Variants in FBRS observed in about 807,000 individuals in gnomAD.
FBRS encodes the protein probable fibrosin-1.
In FBRS, 15 loss-of-function variants were observed where a neutral mutation model predicts 86.1. The observed-to-expected ratio is 0.17, with a 90% CI of 0.12 to 0.27. The LOEUF is 0.27. Among genes scored for constraint, FBRS ranks in the 10% least tolerant of loss-of-function variants. FBRS has a pLI of 1.00. For synonymous variants in FBRS, 666 were observed against 575.8 expected (o/e 1.16, Z -2.24); for missense variants, 1,367 against 1,301.6 (o/e 1.05, Z -0.77).
Position 30,662,771 on chromosome 16 carries a change from C to G in FBRS, c.967C>G (p.Pro323Ala). The G allele has an allele frequency of 6.6e-7, 1 of 1,509,622 alleles. No individual in the cohort carries two copies. The allele number at this position is 1,509,622 out of a possible 1,614,324, so 93.5% of individuals were successfully genotyped here. A position where few individuals can be genotyped will look rare whatever the true frequency, so the allele number is the denominator to read the frequency against. The change falls in exon 6 of 18, where the codon CCA (proline) becomes GCA (alanine). Residue 323 changes from proline to alanine, a missense_variant. By Grantham distance (27) the Pro-to-Ala change is conservative. This residue lies in a region of FBRS where 702 missense variants were observed against 598.7 expected (regional missense o/e 1.17). Transcript: ENST00000356166. ...GCCGGCCACTCCCAGTCTGCCACCCCCACCCCAGCCCCAGCTGCAGCTTCG... is the reference window on the plus strand; with the variant it reads ...GCCGGCCACTCCCAGTCTGCCACCCGCACCCCAGCCCCAGCTGCAGCTTCG... ...PLPATPSLPP[P>A]PQPQLQLRVS...
In FBRS at chr16:30,669,201, CGCCGCTGCCGCTGCTGCT is replaced by C. The variant is rs750860951; in HGVS notation, c.2505_2522del (p.Ala844_Ala849del). On this transcript the variant is annotated inframe_deletion, in exon 18 of 18. Coordinates refer to ENST00000356166, the MANE Select transcript of FBRS (RefSeq NM_001105079.3). This position sits in a 1 kb window ranked among gnomAD's most constrained non-coding sequence, Gnocchi z 5.9. Reference sequence around the variant, plus strand: ...AAGAGCGGAAGGAGGAGGCTGCCGCCGCCGCTGCCGCTGCTGCTGCCGCCGCCGCTGCCGCCGCCGCAG... The same window carrying C: ...AAGAGCGGAAGGAGGAGGCTGCCGCCGCCGCCGCCGCTGCCGCCGCCGCAG... 6.5e-7 allele frequency: 1 copy of C among 1,544,470 alleles called. No individual in the cohort carries two copies. The highest frequency in any genetic ancestry group is 8.7e-7 in the Non-Finnish European group (1 of 1,143,558).
At chr16:30,666,370 A>T (rs751663439) in intron 11 of FBRS, 142 bp from the exon 12 acceptor site, 5 of 954,656 alleles carry the variant, frequency 5.2e-6, no homozygotes, top group Non-Finnish European at 8.1e-6. Context: ...TGGGGAAAGG[A>T]GTTTGGGCCT....
chr16:30,666,131 GT>G (rs2052519742), intron 11 of FBRS: 1 of 422,598 alleles, frequency 2.4e-6, no homozygotes, highest in Non-Finnish European at 4.3e-6. Flanking sequence ...CACAGGACCA[GT>G]TTCCTACAGG....
chr16:30,660,519 C>A (rs2052446489), intron 2 of FBRS, 77 bp downstream of exon 2: 3 of 1,256,220 alleles, frequency 2.4e-6, no homozygotes, highest in Non-Finnish European at 3.0e-6. Flanking sequence ...CGCCACTGCC[C>A]CTTGTAAACA....
rs753075732 is a variant in FBRS at position 30,668,601 on chromosome 16, C to G, written c.2116C>G (p.Leu706Val). Residue 706 changes from leucine (L) to valine (V), a missense_variant, in exon 16 of 18, where the codon CTC (leucine) becomes GTC (valine). Physicochemically the swap from Leu to Val is conservative, Grantham distance 32. Coordinates refer to ENST00000356166, the MANE Select transcript of FBRS (RefSeq NM_001105079.3). ...RPTSFASLAA[L>V]SNGAFGGLGS... ...CACAAGCTTCGCCTCTTTGGCTGCC[C>G]TCTCCAACGGGGCCTTTGGAGGCCT... 6.2e-7 allele frequency: 1 copy of G among 1,612,472 alleles called. No individual in the cohort carries two copies. The highest frequency in any genetic ancestry group is 8.5e-7 in the Non-Finnish European group (1 of 1,178,852).
At chr16:30,666,873 C>T (rs373927174) in intron 12 of FBRS, 46 bp from the exon 13 acceptor site, 108 of 1,583,476 alleles carry the variant, frequency 6.8e-5, no homozygotes, top group Non-Finnish European at 8.4e-5. Context: ...GATGAGTGAA[C>T]GTTCTTTCCT....
At chr16:30,668,665 TG>T (rs768353447) in intron 16 of FBRS, 22 bp downstream of exon 16, 15 of 1,457,344 alleles carry the variant, frequency 1.0e-5, no homozygotes, top group Middle Eastern at 1.8e-4. Flanking sequence ...TGCGGTGGGG[TG>T]GGGGGGCTGC....
rs748967727 is a variant in FBRS, at chr16:30,664,845, G to A, written c.1488G>A (p.Gln496=). The part of the protein sequence containing the change: ...FQFHQHNHQH[Q]HTHQHTHQHF... ...TCCACCAGCACAACCACCAGCACCA[G>A]CACACCCACCAGCACACCCACCAGC... is the stretch of plus-strand genomic sequence containing the variant. Residue 496 remains glutamine (Q), a synonymous_variant, in exon 8 of 18, where the codon CAG becomes CAA. Coordinates refer to ENST00000356166, the MANE Select transcript of FBRS (RefSeq NM_001105079.3). The A allele has an allele frequency of 2.5e-6, 4 of 1,587,820 alleles. No homozygotes were observed. The highest frequency in any genetic ancestry group is 3.4e-6 in the Non-Finnish European group (4 of 1,167,246).
At position 30,662,604 on chromosome 16, in the gene FBRS, T is replaced by C; in HGVS notation, c.800T>C (p.Leu267Pro). The change falls in exon 6 of 18, where the codon CTC (leucine) becomes CCC (proline). Residue 267 changes from leucine to proline, a missense_variant. Physicochemically the swap from Leu to Pro is moderately conservative, Grantham distance 98 (BLOSUM62 -3). Around this residue, in one of 3 missense-constraint regions of FBRS, gnomAD observed 702 missense variants for 598.7 expected, o/e 1.17. Transcript: ENST00000356166. ...GAFNGNCEAK[L>P]SVVPKVSGLE... Reference sequence around the variant, plus strand: ...TTCAATGGGAACTGTGAAGCAAAACTCTCCGTGGTCCCTAAAGTGTCGGGC... The same window carrying C: ...TTCAATGGGAACTGTGAAGCAAAACCCTCCGTGGTCCCTAAAGTGTCGGGC... The C allele has an allele frequency of 6.5e-7, 1 of 1,541,092 alleles. No homozygotes were observed. Among genetic ancestry groups the C allele is most frequent in the Non-Finnish European group, 8.8e-7 (1 of 1,140,396 alleles).
chr16:30,670,255 G>T lies in FBRS; in HGVS notation c.*610G>T. ...GGACTGCAGGGGGAAGAGCCGGGAA[G>T]GGACAGTCAGGCTTCTCCCTGGGAA... is the stretch of plus-strand genomic sequence containing the variant. On this transcript the variant is annotated 3_prime_UTR_variant, in exon 18 of 18. Coordinates refer to ENST00000356166, the MANE Select transcript of FBRS (RefSeq NM_001105079.3). The T allele has an allele frequency of 2.2e-6, 1 of 455,278 alleles. No individual in the cohort carries two copies. Among genetic ancestry groups the T allele is most frequent in the Non-Finnish European group, 4.4e-6 (1 of 225,710 alleles). The allele number at this position is 455,278 out of a possible 1,614,324, so 28.2% of individuals were successfully genotyped here. A position where few individuals can be genotyped will look rare whatever the true frequency, so the allele number is the denominator to read the frequency against.
Position 30,662,446 on chromosome 16 carries a change from C to G in FBRS, c.732C>G (p.Ser244=), listed in dbSNP as rs764588157. The G allele has an allele frequency of 5.8e-6, 9 of 1,550,532 alleles. No homozygotes were observed. Among genetic ancestry groups the G allele is most frequent in the South Asian group, 1.2e-5 (1 of 84,068 alleles). ...TCTCCGATGATGACCTCGACCCATC[C>G]TTTACTGTCTCAACCAGCAAAGGTT... ...ERVSDDDLDP[S]FTVSTSKASG... The change falls in exon 5 of 18, where the codon TCC becomes TCG. Residue 244 remains serine, a synonymous_variant. Coordinates refer to ENST00000356166, the MANE Select transcript of FBRS (RefSeq NM_001105079.3).
At position 30,665,440 on chromosome 16, in the gene FBRS, T is replaced by G. The variant is rs528206264; in HGVS notation, c.1704+39T>G. 5 of 1,538,228 alleles carry G rather than the reference T, an allele frequency of 3.3e-6. No homozygotes were observed. Among genetic ancestry groups the G allele is most frequent in the Non-Finnish European group, 4.4e-6 (5 of 1,134,234 alleles). ...CCAGACACCACCACCGCCTACCATC[T>G]TGACAAACCCAGACACGCCGGGTCC... On this transcript the variant is annotated intron_variant, in intron 10 of 17. Transcript: ENST00000356166. The surrounding 1 kb of genome is among the most constrained non-coding windows in gnomAD (Gnocchi z 4.1).
At position 30,664,205 on chromosome 16, in the gene FBRS, C is replaced by A; in HGVS notation, c.1056-10C>A. 7.3e-7 allele frequency: 1 copy of A among 1,362,752 alleles called. No individual in the cohort carries two copies. Among genetic ancestry groups the A allele is most frequent in the Non-Finnish European group, 9.6e-7 (1 of 1,043,594 alleles). The allele number at this position is 1,362,752 out of a possible 1,614,324, so 84.4% of individuals were successfully genotyped here. ...CAACCCCTCACTCATCTCCCCACTT[C>A]TCTCCCCAGCTCTTCACGGCCGCCC... On this transcript the variant is annotated splice_polypyrimidine_tract_variant and intron_variant, in intron 6 of 17. Transcript: ENST00000356166.
At chr16:30,666,701 G>A (rs1019556680) in intron 12 of FBRS, among the ~76,000 whole-genome samples, 160 bp downstream of exon 12, 40 of 152,166 alleles carry the variant, frequency 2.6e-4, no homozygotes, top group Non-Finnish European at 2.9e-5. Context: ...GCAGACCTGG[G>A]CTCGGATGGA....
intron 15 of FBRS, 200 bp from the exon 16 acceptor site, chr16:30,668,360 T>C (rs1392724886): frequency 1.8e-6 from 1 of 570,484 alleles, no homozygotes; most frequent in Non-Finnish European, 3.2e-6. Context: ...TAACCACCTC[T>C]TGGGCTTTTT....
intron 3 of FBRS, 25 bp from the exon 4 acceptor site, chr16:30,661,279 C>T (rs1567543843): frequency 1.9e-6 from 3 of 1,550,756 alleles, no homozygotes; most frequent in Non-Finnish European, 2.6e-6. Context: ...CCTCTCGTGA[C>T]ACCTCTGTCT....
chr16:30,665,066 T>C lies in FBRS; in HGVS notation c.1595T>C (p.Leu532Pro). The C allele has an allele frequency of 6.2e-7, 1 of 1,612,852 alleles. No homozygotes were observed. Residue 532 changes from leucine (L) to proline (P), a missense_variant, in exon 9 of 18, where the codon CTT becomes CCT. By Grantham distance (98) the Leu-to-Pro change is moderately conservative (BLOSUM62 -3). This residue lies in a region of FBRS where 659 missense variants were observed against 678.8 expected (regional missense o/e 0.97). Coordinates refer to ENST00000356166, the MANE Select transcript of FBRS (RefSeq NM_001105079.3). This position sits in a 1 kb window ranked among gnomAD's most constrained non-coding sequence, Gnocchi z 4.1. ...AAATATCCAGGAAAGATGGAAGGCC[T>C]TTTCCGACATAATGTGAGTGTGTGT... is the stretch of plus-strand genomic sequence containing the variant. ...FEKYPGKMEG[L>P]FRHNPYTAFP...
intron 12 of FBRS, 142 bp from the exon 13 acceptor site, chr16:30,666,777 T>C (rs2052526587): frequency 2.7e-6 from 3 of 1,127,662 alleles, no homozygotes; most frequent in East Asian, 5.1e-5. Flanking sequence ...GGCTGTAAAA[T>C]GAACCTAGTC....
In FBRS at chr16:30,660,186, C is replaced by G. The variant is rs566815767; in HGVS notation, c.460-77C>G. The stretch of plus-strand genomic sequence containing the variant: ...CGGTTTCCCGGCCCGAGGGGTACTT[C>G]GGCAACCTGGTCACCCCTAGAGGGG... On this transcript the variant is annotated intron_variant, in intron 1 of 17. Transcript: ENST00000356166. 1.4e-4 allele frequency: 200 copies of G among 1,411,532 alleles called. 2 individuals carry two copies. In the South Asian group the frequency reaches 3.1e-3, roughly 22 times the overall value. The allele number at this position is 1,411,532 out of a possible 1,614,324, so 87.4% of individuals were successfully genotyped here. A position where few individuals can be genotyped will look rare whatever the true frequency, so the allele number is the denominator to read the frequency against.
Sources: allele counts gnomAD v4.1 joint callset (sites outside exome capture counted in the v4.1 genomes callset), GRCh38; gene constraint gnomAD v4.1.1; regional missense constraint gnomAD v4.1.1; non-coding constraint Gnocchi (gnomAD v3.1); transcripts MANE v1.5; gene names NCBI Gene and HGNC (gene_info 2026-07-23, HGNC 2026-07-21).